Variants in SIPA1L3 observed in about 807,000 individuals in gnomAD.
The protein encoded by SIPA1L3 is signal induced proliferation associated 1 like 3, also known as signal-induced proliferation-associated 1-like protein 3.
SIPA1L3 carries 59 observed loss-of-function variants against 150.1 expected under a neutral mutation model. That is an observed-to-expected ratio of 0.39 (90% CI 0.32 to 0.49). SIPA1L3 has a LOEUF of 0.49. Among genes scored for constraint, SIPA1L3 ranks in the 20% least tolerant of loss-of-function variants. The pLI is 0.86. For missense variants in SIPA1L3, 2,211 were observed against 2,489.5 expected (o/e 0.89, Z 2.38); for synonymous variants, 1,070 against 1,077.6 (o/e 0.99, Z 0.14).
chr19:38,170,970 GAC>G (rs35105393), intron 15 of SIPA1L3, among the ~76,000 whole-genome samples: 51,100 of 151,630 alleles, frequency 0.34, 10,145 homozygotes, highest in Middle Eastern at 0.52. Flanking sequence ...CATATATATA[GAC>G]ACACACACTT....
At chr19:38,148,118 T>C (rs1971739656) in intron 12 of SIPA1L3, among the ~76,000 whole-genome samples, 1 of 151,736 alleles carries the variant, frequency 6.6e-6, no homozygotes, top group Non-Finnish European at 1.5e-5. Flanking sequence ...TTTGGGAGGC[T>C]GAGGCGGGTG....
chr19:38,057,644 GA>G (rs2145773685), intron 2 of SIPA1L3, among the ~76,000 whole-genome samples: 1 of 148,416 alleles, frequency 6.7e-6, no homozygotes, highest in African/African-American at 2.6e-5. Flanking sequence ...CAGAGGGTGA[GA>G]ACTTTTTTTT....
intron 1 of SIPA1L3, among the ~76,000 whole-genome samples, chr19:38,006,277 T>C (rs549982105): frequency 1.1e-3 from 160 of 152,154 alleles, no homozygotes; most frequent in Non-Finnish European, 1.9e-3. Context: ...GGCCCGAACC[T>C]AGAAGCAGCA....
At chr19:38,118,272 A>C in intron 8 of SIPA1L3, among the ~76,000 whole-genome samples, 1 of 152,004 alleles carries the variant, frequency 6.6e-6, no homozygotes. Flanking sequence ...CAAAAAATAC[A>C]AAATTACCCA....
intron 1 of SIPA1L3, among the ~76,000 whole-genome samples, chr19:37,921,017 G>A (rs529101880): frequency 2.4e-4 from 36 of 152,266 alleles, no homozygotes; most frequent in African/African-American, 7.7e-4. Context: ...TCTGACACCC[G>A]GCCTTCCTCT....
chr19:38,206,308 A>C lies in SIPA1L3; in HGVS notation c.*68A>C. 1 of 1,475,118 alleles carries C rather than the reference A, an allele frequency of 6.8e-7. No homozygotes were observed. Among genetic ancestry groups the C allele is most frequent in the Non-Finnish European group, 9.1e-7 (1 of 1,103,294 alleles). 91.4% of individuals were successfully genotyped at this position (1,475,118 alleles called of 1,614,324 possible). A position where few individuals can be genotyped will look rare whatever the true frequency, so the allele number is the denominator to read the frequency against. On this transcript the variant is annotated 3_prime_UTR_variant, in exon 22 of 22. Coordinates refer to ENST00000222345, the MANE Select transcript of SIPA1L3 (RefSeq NM_015073.3). ...GTGGCCCTGCTGCCTCTCTCCCTCC[A>C]CTCAGCTCCCAGCTGCCGGTGTGAC...
At chr19:38,193,904 G>T in intron 18 of SIPA1L3, 124 bp downstream of exon 18, 1 of 1,124,240 alleles carries the variant, frequency 8.9e-7, no homozygotes, top group South Asian at 1.8e-5. Flanking sequence ...CCATCTCAGG[G>T]AGGAATGGGG....
chr19:38,179,921 C>T (rs1436485368), intron 15 of SIPA1L3, among the ~76,000 whole-genome samples: 1 of 152,110 alleles, frequency 6.6e-6, no homozygotes, highest in Non-Finnish European at 1.5e-5. Flanking sequence ...CAGCTCACTG[C>T]AACCTCTGCC....
At chr19:38,007,465 AAGAAAG>A (rs1198744316) in intron 1 of SIPA1L3, among the ~76,000 whole-genome samples, 87 of 142,532 alleles carry the variant, frequency 6.1e-4, no homozygotes, top group African/African-American at 2.2e-3. Flanking sequence ...AAAAAAAAAA[AAGAAAG>A]AAAAGAAAAA....
chr19:37,975,074 C>G (rs991340137), intron 1 of SIPA1L3, among the ~76,000 whole-genome samples: 1 of 152,214 alleles, frequency 6.6e-6, no homozygotes, highest in Admixed American at 6.5e-5. Flanking sequence ...GCCTACCAGA[C>G]TCCAGATCTG....
chr19:38,113,887 T>G (rs1402164280), intron 8 of SIPA1L3, among the ~76,000 whole-genome samples: 1 of 152,148 alleles, frequency 6.6e-6, no homozygotes, highest in Non-Finnish European at 1.5e-5. Context: ...TGCTGGTTGT[T>G]TCGTGAGTTT....
chr19:38,109,889 G>A (rs1970700497), intron 7 of SIPA1L3: 2 of 257,062 alleles, frequency 7.8e-6, no homozygotes. Flanking sequence ...GAATAACGTA[G>A]TCAGCAAAGG....
intron 2 of SIPA1L3, among the ~76,000 whole-genome samples, chr19:38,055,143 G>A (rs1410357650): frequency 1.3e-5 from 2 of 152,186 alleles, no homozygotes; most frequent in Admixed American, 1.3e-4. Context: ...GCTGTAAAAT[G>A]ATCTGGTAAG....
At chr19:37,933,588 C>G (rs2046574662) in intron 1 of SIPA1L3, among the ~76,000 whole-genome samples, 2 of 152,196 alleles carry the variant, frequency 1.3e-5, no homozygotes, top group South Asian at 2.1e-4. Context: ...TCAGGTGCAA[C>G]ATGATCCAAG....
intron 4 of SIPA1L3, among the ~76,000 whole-genome samples, chr19:38,098,447 T>C (rs1334921594): frequency 6.9e-6 from 1 of 144,318 alleles, no homozygotes; most frequent in Non-Finnish European, 1.5e-5. Context: ...CGGGCTGGAG[T>C]GCAATGGCAC....
intron 2 of SIPA1L3, among the ~76,000 whole-genome samples, chr19:38,075,636 C>G (rs1327319958): frequency 3.4e-5 from 5 of 147,222 alleles, no homozygotes; most frequent in Non-Finnish European, 7.5e-5. Context: ...AAAAATTGGC[C>G]AGGCATGGTG....
chr19:37,927,679 G>GTA (rs2046517571), intron 1 of SIPA1L3, among the ~76,000 whole-genome samples: 3 of 148,488 alleles, frequency 2.0e-5, no homozygotes, highest in Non-Finnish European at 4.4e-5. Context: ...GTGTGTGTGT[G>GTA]TGTGTGTGTG....
chr19:37,925,417 A>C (rs932794419), intron 1 of SIPA1L3, among the ~76,000 whole-genome samples: 1 of 152,000 alleles, frequency 6.6e-6, no homozygotes, highest in African/African-American at 2.4e-5. Context: ...AAAGGCCCTG[A>C]GGTGAGGGGC....
chr19:38,067,629 G>A (rs1210636391), intron 2 of SIPA1L3, among the ~76,000 whole-genome samples: 1 of 152,058 alleles, frequency 6.6e-6, no homozygotes, highest in Non-Finnish European at 1.5e-5. Context: ...GGGCATGGTG[G>A]TGCGAGCCTG....
Sources: gnomAD v4.1 joint callset for allele counts (sites outside exome capture counted in the v4.1 genomes callset) on GRCh38, gnomAD v4.1.1 for gene constraint, MANE v1.5 for transcripts, NCBI Gene and HGNC (gene_info 2026-07-23, HGNC 2026-07-21) for gene names.